The following LMF1 variants were observed in gnomAD, a reference collection of about 807,000 sequenced individuals.
LMF1 encodes transmembrane protein 112.
Under a neutral mutation model 60.6 loss-of-function variants are expected in LMF1, and 68 were observed. The ratio of observed to expected loss-of-function variants is 1.12; its 90% CI spans 0.92 to 1.37. The LOEUF (loss-of-function observed/expected upper bound fraction) is 1.37, where lower values mean the gene tolerates loss of function less well. Ranked by LOEUF, LMF1 falls within the 40% of genes most tolerant of loss-of-function variation. The pLI is 0.00. For synonymous variants in LMF1, 418 were observed against 324.7 expected (o/e 1.29, Z -3.09); for missense variants, 948 against 767.2 (o/e 1.24, Z -2.78).
At chr16:943,465 C>G (rs1185153810) in intron 2 of LMF1, among the ~76,000 whole-genome samples, 4 of 151,434 alleles carry the variant, frequency 2.6e-5, no homozygotes. Context: ...GTAGTTCATG[C>G]CTGTAATCCC....
chr16:895,210 G>T (rs1322522777), intron 4 of LMF1, among the ~76,000 whole-genome samples: 1 of 152,046 alleles, frequency 6.6e-6, no homozygotes, highest in Non-Finnish European at 1.5e-5. Context: ...CGGAGCTGCT[G>T]TTGGGATGGA....
At chr16:904,518 G>C (rs1262277036) in intron 4 of LMF1, among the ~76,000 whole-genome samples, 2 of 84,608 alleles carry the variant, frequency 2.4e-5, no homozygotes, top group Non-Finnish European at 4.4e-5. Flanking sequence ...CTGCTGCGTG[G>C]TGGTGACCTC....
At chr16:904,462 C>G (rs568767470) in intron 4 of LMF1, among the ~76,000 whole-genome samples, 14 of 105,004 alleles carry the variant, frequency 1.3e-4, no homozygotes, top group Non-Finnish European at 2.5e-4. Context: ...ACGCCCGTCT[C>G]TGCTGCGTGG....
chr16:979,191 G>A (rs990030455), intron 1 of LMF1: 7 of 430,308 alleles, frequency 1.6e-5, no homozygotes, highest in South Asian at 4.9e-5. Flanking sequence ...GCTCCGTCCC[G>A]GCGTCCTCTC....
chr16:864,090 C>A (rs2069544198), intron 10 of LMF1, among the ~76,000 whole-genome samples: 1 of 152,152 alleles, frequency 6.6e-6, no homozygotes, highest in South Asian at 2.1e-4. Flanking sequence ...GCTCTCCTTT[C>A]AGTTCTTTTT....
chr16:971,415 C>A (rs1321595529), upstream of LMF1, among the ~76,000 whole-genome samples: 1 of 152,272 alleles, frequency 6.6e-6, no homozygotes, highest in Admixed American at 6.5e-5. Flanking sequence ...CCCTGCCTCA[C>A]AGCTGACACT....
intron 10 of LMF1, among the ~76,000 whole-genome samples, chr16:858,473 AGTGGTGACTCGGGACGGGTGTGC>A (rs2069286321): frequency 6.8e-5 from 2 of 29,572 alleles, no homozygotes; most frequent in African/African-American, 9.1e-4. Context: ...ACGGGTGTGC[AGTGGTGACTCGGGACGGGTGTGC>A]GTGGTGTCTC....
chr16:919,458 A>G (rs898219860), intron 3 of LMF1, among the ~76,000 whole-genome samples: 1 of 103,504 alleles, frequency 9.7e-6, no homozygotes, highest in African/African-American at 5.0e-5. Flanking sequence ...GGGAAAGCTC[A>G]TATCTCCAGC....
At chr16:937,328 T>C (rs1327403884) in intron 2 of LMF1, among the ~76,000 whole-genome samples, 1 of 152,216 alleles carries the variant, frequency 6.6e-6, no homozygotes, top group Non-Finnish European at 1.5e-5. Flanking sequence ...TTCTGCTGTT[T>C]TGTTCTTTAA....
chr16:923,222 T>C (rs1193835222), intron 3 of LMF1, among the ~76,000 whole-genome samples: 1 of 152,190 alleles, frequency 6.6e-6, no homozygotes, highest in Admixed American at 6.5e-5. Context: ...ATCTGCGTCA[T>C]GGCAAAACAG....
intron 5 of LMF1, among the ~76,000 whole-genome samples, chr16:888,579 C>T (rs2070380114): frequency 1.3e-5 from 2 of 152,194 alleles, no homozygotes; most frequent in Non-Finnish European, 2.9e-5. Context: ...TGCGTGACCC[C>T]CACATTCACA....
intron 2 of LMF1, among the ~76,000 whole-genome samples, chr16:941,924 T>C (rs1567283485): frequency 1.3e-5 from 2 of 152,228 alleles, no homozygotes; most frequent in East Asian, 1.9e-4. Context: ...GTTGTGTCTG[T>C]ATTAAATTAA....
At chr16:967,196 G>A (rs2072941987) in intron 1 of LMF1, among the ~76,000 whole-genome samples, 1 of 152,210 alleles carries the variant, frequency 6.6e-6, no homozygotes, top group Non-Finnish European at 1.5e-5. Flanking sequence ...CCCCCTGGGA[G>A]GGGGATTTCA....
In LMF1 at chr16:934,231, G is replaced by C; in HGVS notation, c.514+13C>G. The C allele has an allele frequency of 6.3e-7, 1 of 1,599,358 alleles. No homozygotes were observed. The highest frequency in any genetic ancestry group is 8.5e-7 in the Non-Finnish European group (1 of 1,179,748). On this transcript the variant is annotated intron_variant, in intron 3 of 10. Coordinates refer to ENST00000262301, the MANE Select transcript of LMF1 (RefSeq NM_022773.4). ...AACTCTCGCAGAGCTTTCTCTAAATGCATCTCACTTACCGAAAGAGTACCT... is the reference window on the plus strand; with the variant it reads ...AACTCTCGCAGAGCTTTCTCTAAATCCATCTCACTTACCGAAAGAGTACCT...
At chr16:981,303 TGAGAGAGAGA>T (rs751174711), upstream of LMF1, 629 of 214,134 alleles carry the variant, frequency 2.9e-3, 1 homozygote, top group Non-Finnish European at 3.8e-3. Context: ...TGTGTGTGTG[TGAGAGAGAGA>T]GAGAGAGAGA....
chr16:954,274 T>C, intron 2 of LMF1, 83 bp downstream of exon 2: 1 of 1,361,464 alleles, frequency 7.3e-7, no homozygotes, highest in Non-Finnish European at 1.0e-6. Flanking sequence ...TCGTCCAGTC[T>C]TTCCAAGTGC....
At chr16:881,536 T>G (rs1227125798) in intron 5 of LMF1, 4 of 152,132 alleles carry the variant, frequency 2.6e-5, no homozygotes, top group Non-Finnish European at 5.9e-5. Flanking sequence ...AAGAAAAACA[T>G]GAGGAAAGAG....
intron 2 of LMF1, among the ~76,000 whole-genome samples, chr16:939,027 C>G (rs920002629): frequency 4.6e-5 from 7 of 152,250 alleles, no homozygotes; most frequent in Non-Finnish European, 7.4e-5. Context: ...GTGCATTTAC[C>G]TTCCCGGACA....
chr16:945,211 C>CAA (rs60283096), intron 2 of LMF1, among the ~76,000 whole-genome samples: 12 of 79,006 alleles, frequency 1.5e-4, no homozygotes, highest in African/African-American at 3.5e-4. Flanking sequence ...GACTCCATCT[C>CAA]AAAAAAAAAA....
Sources: gnomAD v4.1 joint callset for allele counts (sites outside exome capture counted in the v4.1 genomes callset) on GRCh38, gnomAD v4.1.1 for gene constraint, MANE v1.5 for transcripts, NCBI Gene and HGNC (gene_info 2026-07-23, HGNC 2026-07-21) for gene names.